MBTPS2: variants seen among roughly 807,000 people sequenced by gnomAD.
MBTPS2 encodes membrane bound transcription factor peptidase, site 2.
A neutral mutation model predicts 35.4 loss-of-function variants in MBTPS2; 2 were observed. The observed-to-expected ratio is 0.06, with a 90% CI of 0.02 to 0.18. The LOEUF is 0.18. Ranked by LOEUF, MBTPS2 falls within the 10% of genes least tolerant of loss-of-function variation. The pLI is 1.00. For synonymous variants in MBTPS2, 125 were observed against 140.4 expected, an observed-to-expected ratio of 0.89 and a Z score of 0.77; for missense variants, 244 against 386.5, an observed-to-expected ratio of 0.63 and a Z score of 3.09.
chrX:21,852,447 A>C (rs1234251996), intron 4 of MBTPS2, among the ~76,000 whole-genome samples: 1 of 111,606 alleles, frequency 9.0e-6, no homozygotes. Flanking sequence ...TCATCTTGAC[A>C]GAGCATATAC....
intron 5 of MBTPS2, chrX:21,857,695 A>G: frequency 3.2e-6 from 3 of 938,019 alleles, no homozygotes; most frequent in Non-Finnish European, 4.2e-6. Flanking sequence ...TGTTGTTTCT[A>G]AGAGTTTTAA....
chrX:21,847,544 G>A (rs146169136), intron 3 of MBTPS2, among the ~76,000 whole-genome samples: 385 of 111,940 alleles, frequency 3.4e-3, no homozygotes, highest in African/African-American at 0.012. Context: ...ATGGGCAATC[G>A]TGTACTGTTG....
At chrX:21,875,329 T>G (rs1056008203) in intron 7 of MBTPS2, among the ~76,000 whole-genome samples, 1 of 112,187 alleles carries the variant, frequency 8.9e-6, no homozygotes, top group African/African-American at 3.2e-5. Context: ...GGAAGATCTG[T>G]CGATTCTGGG....
chrX:21,856,333 AGCTCGCGCCTTTCTCT>A, intron 5 of MBTPS2: 1 of 495,617 alleles, frequency 2.0e-6, no homozygotes, highest in East Asian at 3.4e-5. Flanking sequence ...CTTTCTCTGC[AGCTCGCGCCTTTCTCT>A]GCAGCTCGCG....
At chrX:21,856,832 C>T (rs891357357) in intron 5 of MBTPS2, 8 of 1,209,880 alleles carry the variant, frequency 6.6e-6, no homozygotes, top group Non-Finnish European at 7.8e-6. Context: ...ACGAGCACTT[C>T]CAGATGACCC....
In MBTPS2 at chrX:21,883,120, T is replaced by C; in HGVS notation, c.*465T>C. ...TGTATCTCTTGTCCTTTGTCTTGTT[T>C]GAAAAGTATTTTAAAACTTAATGGT... On this transcript the variant is annotated 3_prime_UTR_variant, in exon 11 of 11. Coordinates refer to ENST00000379484, the MANE Select transcript of MBTPS2 (RefSeq NM_015884.4). 2.6e-6 allele frequency: 2 copies of C among 769,434 alleles called. No homozygotes were observed. The highest frequency in any genetic ancestry group is 1.5e-6 in the Non-Finnish European group (1 of 646,916). The allele number at this position is 769,434 out of a possible 1,213,427, so 63.4% of individuals were successfully genotyped here.
intron 1 of MBTPS2, 50 bp from the exon 2 acceptor site, chrX:21,843,120 T>A (rs763763480): frequency 9.7e-7 from 1 of 1,031,012 alleles, no homozygotes; most frequent in East Asian, 3.0e-5. Context: ...TTACACATTA[T>A]AAATTGTTCT....
intron 3 of MBTPS2, among the ~76,000 whole-genome samples, chrX:21,847,401 T>C (rs1451242803): frequency 8.9e-6 from 1 of 112,108 alleles, no homozygotes; most frequent in Non-Finnish European, 1.9e-5. Context: ...ACATACTTTC[T>C]GTTTACTCTA....
chrX:21,843,238 C>G lies in MBTPS2; in HGVS notation c.144C>G (p.Phe48Leu). ...LENNGLSISP[F>L]HIRWQTAVFN... ...ACAACGGACTGAGCATCTCCCCTTT[C>G]CACATAAGATGGCAAACTGCTGTTT... The change falls in exon 2 of 11, where the codon TTC (phenylalanine) becomes TTG (leucine). Residue 48 changes from phenylalanine (F) to leucine (L), a missense_variant. Phe to Leu is a conservative substitution (Grantham distance 22). Coordinates refer to ENST00000379484, the MANE Select transcript of MBTPS2 (RefSeq NM_015884.4). The G allele has an allele frequency of 1.7e-6, 2 of 1,210,226 alleles. No homozygotes were observed. The highest frequency in any genetic ancestry group is 2.2e-6 in the Non-Finnish European group (2 of 893,957).
chrX:21,862,952 ATATATATATATATAT>A lies in MBTPS2; in HGVS notation c.671-5514_671-5500del, dbSNP rs1569325803. Among the ~76,000 whole-genome samples the A allele has an allele frequency of 1.7e-3, 109 of 64,048 alleles. 1 individual carries two copies. The highest frequency in any genetic ancestry group is 8.7e-3 in the Middle Eastern group (1 of 115). 55.6% of individuals were successfully genotyped at this position (64,048 alleles called of 115,157 possible). On this transcript the variant is annotated intron_variant, in intron 5 of 10. Coordinates refer to ENST00000379484, the MANE Select transcript of MBTPS2 (RefSeq NM_015884.4). ...TATAAACATATATATATATATATAT[ATATATATATATATAT>A]AAAACCGACTGGGCGCGGTGGCTCA...
intron 5 of MBTPS2, among the ~76,000 whole-genome samples, chrX:21,862,935 T>TATATATAAAC: frequency 4.4e-5 from 1 of 22,902 alleles, no homozygotes; most frequent in Non-Finnish European, 6.1e-5. Flanking sequence ...TATATAAACA[T>TATATATAAAC]ATATATATAT....
At chrX:21,843,895 GC>G (rs2092905529) in intron 2 of MBTPS2, among the ~76,000 whole-genome samples, 1 of 110,001 alleles carries the variant, frequency 9.1e-6, no homozygotes, top group Non-Finnish European at 1.9e-5. Context: ...CAGGTGGATT[GC>G]TTGAGGCCAG....
intron 3 of MBTPS2, among the ~76,000 whole-genome samples, chrX:21,846,988 C>T (rs5951640): frequency 0.014 from 1,611 of 111,122 alleles, 16 homozygotes; most frequent in Non-Finnish European, 0.022. Flanking sequence ...GGGATGGATT[C>T]AAGTAAGCTT....
chrX:21,874,641 A>T (rs1191756894), intron 7 of MBTPS2, among the ~76,000 whole-genome samples: 3 of 111,586 alleles, frequency 2.7e-5, no homozygotes, highest in Non-Finnish European at 3.8e-5. Context: ...GTACATTCAA[A>T]ATATACAAGT....
At chrX:21,874,276 C>T (rs750067183) in intron 7 of MBTPS2, among the ~76,000 whole-genome samples, 15 of 107,647 alleles carry the variant, frequency 1.4e-4, no homozygotes, top group African/African-American at 5.1e-4. Flanking sequence ...CCCCCCGCCT[C>T]GGCCTCCCAA....
intron 5 of MBTPS2, chrX:21,857,189 G>A: frequency 8.3e-7 from 1 of 1,211,818 alleles, no homozygotes; most frequent in Non-Finnish European, 1.1e-6. Flanking sequence ...CTAAACAGCT[G>A]GCAGAATTTA....
intron 4 of MBTPS2, 42 bp downstream of exon 4, chrX:21,851,654 A>AG: frequency 1.1e-6 from 1 of 912,440 alleles, no homozygotes; most frequent in East Asian, 3.1e-5. Context: ...ATGCAAAAAA[A>AG]AGCTTTTCAT....
chrX:21,851,086 G>A (rs1005496013), intron 3 of MBTPS2, among the ~76,000 whole-genome samples: 11 of 111,425 alleles, frequency 9.9e-5, no homozygotes, highest in African/African-American at 3.3e-4. Flanking sequence ...ACAATTCAGC[G>A]GAAGGTCTAG....
At chrX:21,845,070 GC>G in intron 2 of MBTPS2, 100 bp from the exon 3 acceptor site, 1 of 1,175,828 alleles carries the variant, frequency 8.5e-7, no homozygotes. Context: ...AAATTTTTTA[GC>G]CATTATTTTA....
Sources: allele counts gnomAD v4.1 joint callset (sites outside exome capture counted in the v4.1 genomes callset), GRCh38; gene constraint gnomAD v4.1.1; transcripts MANE v1.5; gene names NCBI Gene and HGNC (gene_info 2026-07-23, HGNC 2026-07-21).